KAZN: variants seen among roughly 807,000 people sequenced by gnomAD.
The protein encoded by KAZN is kazrin.
Under a neutral mutation model 87.4 loss-of-function variants are expected in KAZN, and 40 were observed. That is an observed-to-expected ratio of 0.46 (90% confidence interval 0.36 to 0.60). The LOEUF is 0.60. KAZN is among the 20% of genes least tolerant of loss of function. The pLI, the probability that KAZN is intolerant of heterozygous loss-of-function variation, is 0.00. For synonymous variants in KAZN, 466 were observed against 458.3 expected, an observed-to-expected ratio of 1.02 and a Z score of -0.22; for missense variants, 898 against 1,073.9, an observed-to-expected ratio of 0.84 and a Z score of 2.29.
chr1:14,502,445 T>A (rs1170849298), intron 2 of KAZN, among the ~76,000 whole-genome samples: 1 of 152,156 alleles, frequency 6.6e-6, no homozygotes, highest in Non-Finnish European at 1.5e-5. Context: ...TAGAATTAAA[T>A]TCTCAATTTC....
intron 1 of KAZN, among the ~76,000 whole-genome samples, chr1:14,790,988 G>GC (rs145949965): frequency 0.076 from 11,517 of 152,162 alleles, 494 homozygotes; most frequent in Middle Eastern, 0.14. Context: ...CACCGCACCG[G>GC]CCCCCGCTGG....
intron 2 of KAZN, among the ~76,000 whole-genome samples, chr1:14,221,129 A>G (rs1004144709): frequency 6.6e-6 from 1 of 152,130 alleles, no homozygotes; most frequent in Non-Finnish European, 1.5e-5. Flanking sequence ...TGAGGATGTA[A>G]TCACTCATTC....
intron 1 of KAZN, among the ~76,000 whole-genome samples, chr1:14,943,613 A>G (rs1352856843): frequency 6.6e-6 from 1 of 152,270 alleles, no homozygotes; most frequent in African/African-American, 2.4e-5. Flanking sequence ...TAATCCCTAC[A>G]GCAATCACTC....
chr1:14,333,232 C>T (rs543112867), intron 2 of KAZN, among the ~76,000 whole-genome samples: 4 of 152,324 alleles, frequency 2.6e-5, no homozygotes, highest in Admixed American at 6.5e-5. Context: ...CTTTTTATAG[C>T]TGCACAGTAT....
At chr1:14,980,019 G>T (rs1666073083) in intron 2 of KAZN, among the ~76,000 whole-genome samples, 1 of 152,150 alleles carries the variant, frequency 6.6e-6, no homozygotes, top group Non-Finnish European at 1.5e-5. Context: ...CTCCTGAGTA[G>T]CTAGGACTAC....
At chr1:15,047,142 G>A (rs1280287408) in intron 4 of KAZN, among the ~76,000 whole-genome samples, 3 of 152,238 alleles carry the variant, frequency 2.0e-5, no homozygotes, top group Admixed American at 2.0e-4. Flanking sequence ...CATGTTAACA[G>A]CACATGCAGT....
chr1:14,597,373 A>T (rs1001694871), upstream of KAZN, among the ~76,000 whole-genome samples: 1 of 152,098 alleles, frequency 6.6e-6, no homozygotes, highest in African/African-American at 2.4e-5. Context: ...AGGGGGGAGA[A>T]ATCTATCATC....
intron 2 of KAZN, among the ~76,000 whole-genome samples, chr1:14,524,197 T>A (rs888631892): frequency 6.6e-6 from 1 of 152,088 alleles, no homozygotes; most frequent in African/African-American, 2.4e-5. Context: ...AATTTTTGTA[T>A]TTTTAGTAGA....
chr1:14,810,905 G>T (rs1296926211), intron 1 of KAZN, among the ~76,000 whole-genome samples: 3 of 152,226 alleles, frequency 2.0e-5, no homozygotes, highest in African/African-American at 7.2e-5. Context: ...CCTTGGCACT[G>T]CCTGGAGCAC....
intron 1 of KAZN, among the ~76,000 whole-genome samples, chr1:14,904,846 C>G (rs1656329896): frequency 6.6e-6 from 1 of 152,198 alleles, no homozygotes; most frequent in South Asian, 2.1e-4. Context: ...ACTGCAAGCT[C>G]CGCCACTCGG....
At chr1:15,089,732 C>CAAAAAA (rs56260619) in intron 8 of KAZN, among the ~76,000 whole-genome samples, 9 of 68,914 alleles carry the variant, frequency 1.3e-4, no homozygotes, top group African/African-American at 2.0e-4. Context: ...CTTTTATTGG[C>CAAAAAA]AAAAAAAAAA....
At chr1:14,381,012 C>T (rs1018353981) in intron 2 of KAZN, among the ~76,000 whole-genome samples, 3 of 152,174 alleles carry the variant, frequency 2.0e-5, no homozygotes, top group African/African-American at 7.2e-5. Flanking sequence ...GCAACATAGT[C>T]CTTCCCATTC....
intron 1 of KAZN, among the ~76,000 whole-genome samples, chr1:13,984,901 AT>A (rs1358748109): frequency 6.6e-6 from 1 of 152,216 alleles, no homozygotes; most frequent in Non-Finnish European, 1.5e-5. Context: ...ACCACAATCA[AT>A]TTTAGGATTT....
chr1:14,379,075 T>G (rs374837170), intron 2 of KAZN, among the ~76,000 whole-genome samples: 1 of 145,650 alleles, frequency 6.9e-6, no homozygotes, highest in Admixed American at 7.0e-5. Flanking sequence ...CAGCACCAGT[T>G]AGTCATGAGG....
chr1:14,353,003 G>T (rs1658677330), intron 2 of KAZN, among the ~76,000 whole-genome samples: 1 of 151,956 alleles, frequency 6.6e-6, no homozygotes, highest in Non-Finnish European at 1.5e-5. Context: ...ACATAACTAG[G>T]GATAGGAGGA....
At chr1:14,960,400 G>A (rs962882628) in intron 1 of KAZN, among the ~76,000 whole-genome samples, 1 of 152,208 alleles carries the variant, frequency 6.6e-6, no homozygotes, top group African/African-American at 2.4e-5. Flanking sequence ...TCCTAAGACC[G>A]TCGGCCACCA....
At chr1:14,064,302 C>T (rs1448739849) in intron 1 of KAZN, among the ~76,000 whole-genome samples, 1 of 152,172 alleles carries the variant, frequency 6.6e-6, no homozygotes, top group East Asian at 1.9e-4. Context: ...ACAGCGACAT[C>T]AAGGCTTTTT....
chr1:14,102,389 C>T (rs1338803577), intron 1 of KAZN, among the ~76,000 whole-genome samples: 1 of 152,224 alleles, frequency 6.6e-6, no homozygotes, highest in African/African-American at 2.4e-5. Flanking sequence ...CTGCTGCTGG[C>T]TTCCTCCATC....
chr1:13,923,588 A>AAATG (rs1553174048), intron 1 of KAZN, among the ~76,000 whole-genome samples: 1 of 139,884 alleles, frequency 7.1e-6, no homozygotes, highest in Non-Finnish European at 1.5e-5. Context: ...AAAAAAAAAA[A>AAATG]AAAATATAAT....
Sources: gnomAD v4.1 joint callset for allele counts (sites outside exome capture counted in the v4.1 genomes callset) on GRCh38, gnomAD v4.1.1 for gene constraint, MANE v1.5 for transcripts, NCBI Gene and HGNC (gene_info 2026-07-23, HGNC 2026-07-21) for gene names.